Variants in PER2 observed in about 807,000 individuals in gnomAD.
PER2 encodes the protein period circadian regulator 2, also known as period circadian protein homolog 2.
PER2 carries 66 observed loss-of-function variants against 121.0 expected under a neutral mutation model. That is an observed-to-expected ratio of 0.55 (90% CI 0.45 to 0.67). The LOEUF is 0.67. Ranked by LOEUF, PER2 falls within the 30% of genes least tolerant of loss-of-function variation. The pLI, the probability that PER2 is intolerant of heterozygous loss-of-function variation, is 0.00. For missense variants in PER2, 1,521 were observed against 1,635.0 expected (o/e 0.93, Z 1.20); for synonymous variants, 684 against 659.9 (o/e 1.04, Z -0.56).
Position 238,249,104 on chromosome 2 carries a change from C to T in PER2, c.3576G>A (p.Gln1192=). 1.9e-6 allele frequency: 3 copies of T among 1,614,242 alleles called. No homozygotes were observed. Among genetic ancestry groups the T allele is most frequent in the East Asian group, 2.2e-5 (1 of 44,878 alleles). The part of the protein sequence containing the change: ...SQKQELREVH[Q]WMQTGGLPAA... ...CGGGCAGGCCGCCCGTCTGCATCCA[C>T]TGGTGGACCTCGCGCAGCTCCTGCT... Residue 1192 remains glutamine (Q), a synonymous_variant, in exon 22 of 23, where the codon CAG becomes CAA. Transcript: ENST00000254657.
At position 238,255,822 on chromosome 2, in the gene PER2, G is replaced by T. The variant is rs759584633; in HGVS notation, c.2155C>A (p.Pro719Thr). 2 of 1,614,160 alleles carry T rather than the reference G, an allele frequency of 1.2e-6. No individual in the cohort carries two copies. Among genetic ancestry groups the T allele is most frequent in the South Asian group, 2.2e-5 (2 of 91,084 alleles). ...LACGLSQEKE[P>T]FKKLGLTKEV... The stretch of plus-strand genomic sequence containing the variant: ...TTGGTGAGGCCCAGCTTCTTGAAGG[G>T]CTCCTTCTCTTGGCTGAGACCACAG... The change falls in exon 18 of 23, where the codon CCC becomes ACC. Residue 719 changes from proline to threonine, a missense_variant. Transcript: ENST00000254657.
rs538791969 is a variant in PER2 at position 238,249,041 on chromosome 2, A to T, written c.3618+21T>A. 9.1e-4 allele frequency: 1,473 copies of T among 1,613,300 alleles called. 24 individuals are homozygous for T. The South Asian group carries it at 0.015, about 17-fold the overall frequency. On this transcript the variant is annotated intron_variant, in intron 22 of 22. Coordinates refer to ENST00000254657, the MANE Select transcript of PER2 (RefSeq NM_022817.3). ...CAGAGCCTTTTAGGGCCATATCAGA[A>T]ATCGAGTCCCGTGAGCTTACTGCCA...
chr2:238,265,333 C>T (rs936368796), intron 9 of PER2, among the ~76,000 whole-genome samples, 179 bp downstream of exon 9: 6 of 152,244 alleles, frequency 3.9e-5, no homozygotes, highest in East Asian at 1.9e-4. Context: ...GCCTCAATTA[C>T]ACCATGTGCA....
At chr2:238,250,767 C>T (rs776989113) in intron 20 of PER2, 24 bp from the exon 21 acceptor site, 19 of 1,528,372 alleles carry the variant, frequency 1.2e-5, no homozygotes, top group African/African-American at 4.1e-5. Flanking sequence ...AAACGTGGTG[C>T]GTCAAAACAT....
intron 2 of PER2, 97 bp from the exon 3 acceptor site, chr2:238,277,290 C>A: frequency 2.4e-6 from 2 of 849,166 alleles, no homozygotes; most frequent in South Asian, 1.3e-5. Flanking sequence ...CTAGATAATA[C>A]CATGGTAAGA....
chr2:238,287,199 C>T (rs549927883), intron 1 of PER2, among the ~76,000 whole-genome samples: 8 of 152,298 alleles, frequency 5.3e-5, no homozygotes, highest in South Asian at 4.1e-4. Flanking sequence ...CATACCAAGG[C>T]GACAGTGACA....
At chr2:238,266,141 G>C (rs1335958682) in intron 8 of PER2, among the ~76,000 whole-genome samples, 7 of 152,140 alleles carry the variant, frequency 4.6e-5, no homozygotes, top group Non-Finnish European at 8.8e-5. Context: ...CTGACCTCGT[G>C]ATCCGCCCAC....
intron 8 of PER2, among the ~76,000 whole-genome samples, chr2:238,267,696 T>C (rs1182352054): frequency 6.6e-6 from 1 of 152,054 alleles, no homozygotes; most frequent in Non-Finnish European, 1.5e-5. Context: ...GGCTGAGGCA[T>C]GGGGCAGGGG....
Position 238,257,076 on chromosome 2 carries a change from C to A in PER2, c.1911G>T (p.Pro637=), listed in dbSNP as rs368194918. The A allele has an allele frequency of 4.7e-5, 75 of 1,612,168 alleles. No homozygotes were observed. The South Asian group carries it at 7.5e-4, about 16-fold the overall frequency. ...CCGTGCGGCTGTTCACCCTGGAGGG[C>A]GGCTCTGCCTCTTCATGAGAGGAAG... The part of the protein sequence containing the change: ...SPGPHAGEAE[P]PSRVNSRTGV... Residue 637 remains proline, a synonymous_variant, in exon 17 of 23, where the codon CCG becomes CCT. Transcript: ENST00000254657.
chr2:238,297,548 C>T, the PER2 span, among the ~76,000 whole-genome samples: 1 of 152,202 alleles, frequency 6.6e-6, no homozygotes, highest in African/African-American at 2.4e-5. Flanking sequence ...TTCCCCACAC[C>T]CTGTTTGAGT....
intron 1 of PER2, among the ~76,000 whole-genome samples, chr2:238,284,637 C>T (rs1473985783): frequency 6.6e-6 from 1 of 152,208 alleles, no homozygotes; most frequent in Non-Finnish European, 1.5e-5. Context: ...AGCCACCATG[C>T]TGTCTGGGCC....
chr2:238,269,775 G>A (rs1696230008), intron 6 of PER2, among the ~76,000 whole-genome samples: 1 of 152,254 alleles, frequency 6.6e-6, no homozygotes, highest in South Asian at 2.1e-4. Context: ...CGGATGTCCA[G>A]AACATTGACA....
At position 238,261,836 on chromosome 2, in the gene PER2, C is replaced by T; in HGVS notation, c.1309G>A (p.Gly437Ser). 6.4e-7 allele frequency: 1 copy of T among 1,556,090 alleles called. No homozygotes were observed. Among genetic ancestry groups the T allele is most frequent in the Non-Finnish European group, 8.7e-7 (1 of 1,148,654 alleles). Residue 437 changes from glycine to serine, a missense_variant and splice_region_variant, in exon 12 of 23, where the codon GGC (glycine) becomes AGC (serine). Coordinates refer to ENST00000254657, the MANE Select transcript of PER2 (RefSeq NM_022817.3). Reference protein sequence around the residue: ...FIIGRHKVRVGPLNEDVFAAH... With the variant: ...FIIGRHKVRVSPLNEDVFAAH... ...GCAAACACGTCCTCATTCAAAGGGC[C>T]CCTGCGTGGTTTTAATTCATCTTGT...
chr2:238,281,393 T>C (rs1696624875), intron 1 of PER2, among the ~76,000 whole-genome samples: 1 of 152,238 alleles, frequency 6.6e-6, no homozygotes, highest in South Asian at 2.1e-4. Context: ...GTTACATAGC[T>C]GGTTTTATCA....
At chr2:238,286,651 CCAAA>C (rs1362642537) in intron 1 of PER2, among the ~76,000 whole-genome samples, 4 of 152,172 alleles carry the variant, frequency 2.6e-5, no homozygotes, top group African/African-American at 7.2e-5. Flanking sequence ...GCTCCCTCTG[CCAAA>C]CAGAGTAGTT....
chr2:238,247,657 T>C (rs1490268912), intron 22 of PER2: 1 of 152,146 alleles, frequency 6.6e-6, no homozygotes, highest in Non-Finnish European at 1.5e-5. Context: ...GAAAAAGGAT[T>C]CCAAGCAAAG....
At chr2:238,287,520 C>T (rs1462584658) in intron 1 of PER2, among the ~76,000 whole-genome samples, 1 of 152,202 alleles carries the variant, frequency 6.6e-6, no homozygotes, top group African/African-American at 2.4e-5. Flanking sequence ...GGGTTCTTAA[C>T]ACATTTCCCG....
chr2:238,265,663 G>T, intron 8 of PER2, 73 bp from the exon 9 acceptor site: 1 of 921,582 alleles, frequency 1.1e-6, no homozygotes, highest in Non-Finnish European at 1.8e-6. Flanking sequence ...AAAACTACCA[G>T]AAAACACCCT....
rs1263840129 is a variant in PER2 at position 238,253,986 on chromosome 2, A to G, written c.2321-284T>C. ...CTTTCTTTTATGAAATGCTAATATGATAAGTGGTAATACAAAGTTCTATTT... is the reference window on the plus strand; with the variant it reads ...CTTTCTTTTATGAAATGCTAATATGGTAAGTGGTAATACAAAGTTCTATTT... On this transcript the variant is annotated intron_variant, in intron 18 of 22. Coordinates refer to ENST00000254657, the MANE Select transcript of PER2 (RefSeq NM_022817.3). The surrounding 1 kb of genome is among the most constrained non-coding windows in gnomAD (Gnocchi z 5.6). Among the ~76,000 whole-genome samples the G allele has an allele frequency of 6.6e-6, 1 of 152,230 alleles. No individual in the cohort carries two copies.
Sources: gnomAD v4.1 joint callset for allele counts (sites outside exome capture counted in the v4.1 genomes callset) on GRCh38, gnomAD v4.1.1 for gene constraint, Gnocchi (gnomAD v3.1) non-coding constraint, MANE v1.5 for transcripts, NCBI Gene and HGNC (gene_info 2026-07-23, HGNC 2026-07-21) for gene names.